The following AFG1L variants were observed in gnomAD, a reference collection of about 807,000 sequenced individuals.
AFG1L encodes AFG1 like ATPase.
A neutral mutation model predicts 62.2 loss-of-function variants in AFG1L; 53 were observed. The ratio of observed to expected loss-of-function variants is 0.85; its 90% confidence interval spans 0.68 to 1.07. The LOEUF (loss-of-function observed/expected upper bound fraction) is 1.07, where lower values mean the gene tolerates loss of function less well. Ranked by LOEUF, AFG1L falls within the 50% of genes least tolerant of loss-of-function variation. AFG1L has a pLI of 0.00. For missense variants in AFG1L, 555 were observed against 590.5 expected (o/e 0.94, Z 0.62); for synonymous variants, 228 against 210.3 (o/e 1.08, Z -0.73).
chr6:108,449,452 A>G (rs945301581), intron 8 of AFG1L, among the ~76,000 whole-genome samples: 5 of 152,252 alleles, frequency 3.3e-5, no homozygotes, highest in African/African-American at 1.2e-4. Flanking sequence ...GTGGGAAAAT[A>G]ATATGAGTTA....
chr6:108,297,752 G>A (rs1348955659), intron 1 of AFG1L, among the ~76,000 whole-genome samples: 5 of 151,720 alleles, frequency 3.3e-5, no homozygotes, highest in African/African-American at 1.2e-4. Context: ...CTACTTGGGA[G>A]GCTGAGGTGG....
chr6:108,426,653 C>T (rs1043320302), intron 7 of AFG1L, among the ~76,000 whole-genome samples: 3 of 152,100 alleles, frequency 2.0e-5, no homozygotes, highest in African/African-American at 7.2e-5. Context: ...CATAAGACAG[C>T]TATCAGCTTT....
At chr6:108,382,901 A>G (rs1286025864) in intron 6 of AFG1L, among the ~76,000 whole-genome samples, 1 of 152,188 alleles carries the variant, frequency 6.6e-6, no homozygotes, top group East Asian at 1.9e-4. Context: ...ATACCCTAAT[A>G]TGAGAACAAC....
intron 7 of AFG1L, among the ~76,000 whole-genome samples, chr6:108,405,082 A>G (rs1781791921): frequency 6.6e-6 from 1 of 152,154 alleles, no homozygotes; most frequent in Non-Finnish European, 1.5e-5. Context: ...AATATTATTG[A>G]GTAGCATTGC....
At chr6:108,464,817 G>A (rs910738946) in intron 8 of AFG1L, among the ~76,000 whole-genome samples, 2 of 151,966 alleles carry the variant, frequency 1.3e-5, no homozygotes, top group African/African-American at 4.8e-5. Context: ...GAGTGACTCT[G>A]CTTCTTCATC....
chr6:108,399,933 C>T (rs1454272623), intron 6 of AFG1L, among the ~76,000 whole-genome samples: 1 of 151,546 alleles, frequency 6.6e-6, no homozygotes, highest in Non-Finnish European at 1.5e-5. Context: ...CACATGCCAC[C>T]ACGCCTGGCT....
At chr6:108,298,936 G>A (rs1036827603) in intron 1 of AFG1L, among the ~76,000 whole-genome samples, 50 of 152,046 alleles carry the variant, frequency 3.3e-4, no homozygotes, top group African/African-American at 1.2e-3. Flanking sequence ...GGCAGCTGAG[G>A]GAGGGAATTC....
At chr6:108,516,809 G>C (rs945493650) in intron 11 of AFG1L, among the ~76,000 whole-genome samples, 1 of 152,104 alleles carries the variant, frequency 6.6e-6, no homozygotes, top group African/African-American at 2.4e-5. Flanking sequence ...CAAAGTCTCA[G>C]GATACAAAAT....
intron 8 of AFG1L, among the ~76,000 whole-genome samples, chr6:108,470,916 G>T (rs1437969311): frequency 2.6e-5 from 4 of 152,198 alleles, no homozygotes; most frequent in Non-Finnish European, 5.9e-5. Flanking sequence ...TGTTAGGAGG[G>T]TGGCACAGCC....
intron 8 of AFG1L, among the ~76,000 whole-genome samples, chr6:108,450,617 G>T (rs1194760295): frequency 1.3e-5 from 2 of 152,128 alleles, no homozygotes; most frequent in Non-Finnish European, 2.9e-5. Context: ...GATCCCATTT[G>T]TCAATTTTGG....
At chr6:108,462,750 A>G (rs575382658) in intron 8 of AFG1L, among the ~76,000 whole-genome samples, 1 of 152,336 alleles carries the variant, frequency 6.6e-6, no homozygotes, top group South Asian at 2.1e-4. Flanking sequence ...GGCCACAGTC[A>G]TCTAGTAGAG....
At chr6:108,432,314 T>A (rs1053320105) in intron 7 of AFG1L, among the ~76,000 whole-genome samples, 1 of 152,158 alleles carries the variant, frequency 6.6e-6, no homozygotes, top group African/African-American at 2.4e-5. Context: ...TACATTCTTA[T>A]GTGTTTTCTC....
At chr6:108,297,373 C>T (rs1378639302) in intron 1 of AFG1L, among the ~76,000 whole-genome samples, 1 of 152,152 alleles carries the variant, frequency 6.6e-6, no homozygotes, top group Non-Finnish European at 1.5e-5. Context: ...CCCCAAAATG[C>T]TGGGATTACA....
intron 12 of AFG1L, 67 bp downstream of exon 12, chr6:108,519,877 G>A: frequency 1.0e-6 from 1 of 953,538 alleles, no homozygotes; most frequent in Non-Finnish European, 1.6e-6. Flanking sequence ...TTGATGCATG[G>A]CTACATTTTG....
intron 12 of AFG1L, 187 bp from the exon 13 acceptor site, chr6:108,522,110 A>G: frequency 2.3e-6 from 1 of 438,622 alleles, no homozygotes; most frequent in Non-Finnish European, 4.2e-6. Context: ...TGATGTGTTT[A>G]CTGCCTATCA....
intron 6 of AFG1L, among the ~76,000 whole-genome samples, chr6:108,393,416 T>C (rs115347112): frequency 0.012 from 1,764 of 152,230 alleles, 25 homozygotes; most frequent in African/African-American, 0.04. Flanking sequence ...GATTTCTGTT[T>C]AGAATTCTGT....
chr6:108,516,691 C>A (rs778058528), intron 11 of AFG1L, among the ~76,000 whole-genome samples: 1 of 151,984 alleles, frequency 6.6e-6, no homozygotes, highest in Non-Finnish European at 1.5e-5. Flanking sequence ...GTATTCAATT[C>A]GGAAAAGAGG....
chr6:108,335,507 A>C (rs1778443572), intron 2 of AFG1L, among the ~76,000 whole-genome samples: 1 of 152,214 alleles, frequency 6.6e-6, no homozygotes, highest in African/African-American at 2.4e-5. Flanking sequence ...TTCCCTCCTT[A>C]ACATCAGTTT....
chr6:108,368,186 T>G (rs1779839963), intron 6 of AFG1L, among the ~76,000 whole-genome samples: 1 of 152,128 alleles, frequency 6.6e-6, no homozygotes, highest in Non-Finnish European at 1.5e-5. Context: ...TTTTATTTAT[T>G]TATTTTTGTT....
Sources: gnomAD v4.1 joint callset for allele counts (sites outside exome capture counted in the v4.1 genomes callset) on GRCh38, gnomAD v4.1.1 for gene constraint, MANE v1.5 for transcripts, NCBI Gene and HGNC (gene_info 2026-07-23, HGNC 2026-07-21) for gene names.